The following PTPRM variants were observed in gnomAD, a reference collection of about 807,000 sequenced individuals.
PTPRM encodes the protein receptor-type tyrosine-protein phosphatase mu.
Under a neutral mutation model 186.7 loss-of-function variants are expected in PTPRM, and 47 were observed. The observed-to-expected ratio is 0.25, with a 90% CI of 0.20 to 0.32. The LOEUF is 0.32. Ranked by LOEUF, PTPRM falls within the 10% of genes least tolerant of loss-of-function variation. The pLI is 1.00. For missense variants in PTPRM, 1,494 were observed against 1,865.0 expected (o/e 0.80, Z 3.66); for synonymous variants, 668 against 674.9 (o/e 0.99, Z 0.16).
chr18:7,710,597 A>G (rs2040191155), intron 1 of PTPRM, among the ~76,000 whole-genome samples: 1 of 152,202 alleles, frequency 6.6e-6, no homozygotes, highest in Admixed American at 6.5e-5. Flanking sequence ...GAAAAGAGGA[A>G]GCCAAACTGC....
At chr18:8,289,913 G>T (rs898610259) in intron 19 of PTPRM, among the ~76,000 whole-genome samples, 3 of 152,094 alleles carry the variant, frequency 2.0e-5, no homozygotes, top group African/African-American at 7.2e-5. Context: ...TTTTCACCCA[G>T]TCCTCACCTC....
chr18:8,037,968 G>A (rs959051590), intron 7 of PTPRM, among the ~76,000 whole-genome samples: 13 of 152,192 alleles, frequency 8.5e-5, no homozygotes, highest in African/African-American at 2.6e-4. Context: ...TTCTACTTTT[G>A]CAGTTCTTAT....
Position 8,376,555 on chromosome 18 carries a change from C to T in PTPRM, c.3420C>T (p.Val1140=). The change falls in exon 26 of 33, where the codon GTC becomes GTT. Residue 1140 remains valine, a synonymous_variant. Transcript: ENST00000580170. ...GGGTCGTAGACATCTACAACTGCGT[C>T]AGGGAGCTGCGGTCACGGAGGGTGA... is the stretch of plus-strand genomic sequence containing the variant. ...REGVVDIYNC[V]RELRSRRVNM... 1 of 1,613,948 alleles carries T rather than the reference C, an allele frequency of 6.2e-7. No individual in the cohort carries two copies. The highest frequency in any genetic ancestry group is 8.5e-7 in the Non-Finnish European group (1 of 1,180,012).
At chr18:7,683,790 A>T (rs899336849) in intron 1 of PTPRM, among the ~76,000 whole-genome samples, 1 of 152,170 alleles carries the variant, frequency 6.6e-6, no homozygotes, top group Non-Finnish European at 1.5e-5. Flanking sequence ...TGCTATGCTC[A>T]GGGTATCAGG....
intron 7 of PTPRM, among the ~76,000 whole-genome samples, chr18:8,038,982 G>GT (rs143219893): frequency 0.074 from 11,108 of 150,610 alleles, 529 homozygotes; most frequent in Non-Finnish European, 0.1. Flanking sequence ...ATTTTCAGGG[G>GT]TTTTTTTTTG....
intron 6 of PTPRM, among the ~76,000 whole-genome samples, chr18:7,953,132 G>T (rs1023421852): frequency 2.0e-5 from 3 of 152,112 alleles, no homozygotes; most frequent in South Asian, 2.1e-4. Context: ...AGCATATCTG[G>T]TACTTTTCTT....
chr18:7,871,328 T>G (rs935332666), intron 2 of PTPRM, among the ~76,000 whole-genome samples: 1 of 152,226 alleles, frequency 6.6e-6, no homozygotes, highest in Admixed American at 6.5e-5. Context: ...AGTTTCTCAG[T>G]GACAGTCCAG....
intron 7 of PTPRM, among the ~76,000 whole-genome samples, chr18:8,057,335 T>G (rs2088055149): frequency 1.3e-5 from 2 of 151,842 alleles, no homozygotes; most frequent in African/African-American, 4.8e-5. Flanking sequence ...TTTTATTACT[T>G]AAAACTTCAA....
intron 2 of PTPRM, among the ~76,000 whole-genome samples, chr18:7,856,354 T>TA (rs2047094218): frequency 6.6e-6 from 1 of 152,160 alleles, no homozygotes. Context: ...CAGAGGAAAT[T>TA]AAAAAATGTT....
chr18:8,166,762 C>G (rs1474316434), intron 14 of PTPRM, among the ~76,000 whole-genome samples: 1 of 152,176 alleles, frequency 6.6e-6, no homozygotes, highest in Non-Finnish European at 1.5e-5. Context: ...GAAACCAAGA[C>G]TGAGCAAACT....
At chr18:7,649,266 A>G (rs2038639359) in intron 1 of PTPRM, among the ~76,000 whole-genome samples, 1 of 152,214 alleles carries the variant, frequency 6.6e-6, no homozygotes, top group Admixed American at 6.5e-5. Context: ...ACCTGGTCAC[A>G]CAAGAGCTCT....
chr18:8,231,183 T>C (rs80279048), intron 14 of PTPRM, among the ~76,000 whole-genome samples: 1 of 152,330 alleles, frequency 6.6e-6, no homozygotes, highest in African/African-American at 2.4e-5. Flanking sequence ...GACAATCTGT[T>C]GACATAACCT....
At chr18:8,363,793 T>C (rs1325334004) in intron 23 of PTPRM, among the ~76,000 whole-genome samples, 3 of 151,810 alleles carry the variant, frequency 2.0e-5, no homozygotes, top group Non-Finnish European at 4.4e-5. Context: ...GAGAGAAAAG[T>C]AACAAGACAG....
chr18:7,858,003 T>C (rs2047174955), intron 2 of PTPRM, among the ~76,000 whole-genome samples: 1 of 152,196 alleles, frequency 6.6e-6, no homozygotes, highest in African/African-American at 2.4e-5. Context: ...TTTGAATCTT[T>C]CTAATTTCTT....
chr18:8,313,532 A>G (rs2095285200), intron 20 of PTPRM, among the ~76,000 whole-genome samples: 1 of 152,066 alleles, frequency 6.6e-6, no homozygotes, highest in South Asian at 2.1e-4. Context: ...TGATCAGTGC[A>G]GGAAAATTCT....
At chr18:8,237,665 C>T (rs28567556) in intron 14 of PTPRM, among the ~76,000 whole-genome samples, 3,938 of 152,024 alleles carry the variant, frequency 0.026, 73 homozygotes, top group East Asian at 0.054. Flanking sequence ...AGGCTGGTCT[C>T]ACACTCCTAA....
intron 7 of PTPRM, among the ~76,000 whole-genome samples, chr18:7,966,849 C>G (rs1281169234): frequency 1.6e-5 from 2 of 128,914 alleles, no homozygotes; most frequent in African/African-American, 2.5e-5. Context: ...AGTCTGAGAT[C>G]AAACCGCAAG....
At chr18:8,349,351 G>GA (rs1166376889) in intron 23 of PTPRM, among the ~76,000 whole-genome samples, 2 of 152,212 alleles carry the variant, frequency 1.3e-5, no homozygotes, top group African/African-American at 4.8e-5. Flanking sequence ...AGGGAAGAGG[G>GA]AAATTGTTTT....
rs568197958 is a variant in PTPRM at position 7,719,970 on chromosome 18, A to G, written c.74-54179A>G. ...CCCAAACTACTCGTTAGACTGAGGT[A>G]GGAGGATCTCTTGATCGCAAGAGTT... On this transcript the variant is annotated intron_variant, in intron 1 of 32. Coordinates refer to ENST00000580170, the MANE Select transcript of PTPRM (RefSeq NM_001105244.2). Among the ~76,000 whole-genome samples, 11 of 152,316 alleles carry G rather than the reference A, an allele frequency of 7.2e-5. No individual in the cohort carries two copies. The East Asian group carries it at 2.1e-3, about 29-fold the overall frequency.
Sources: allele counts gnomAD v4.1 joint callset (sites outside exome capture counted in the v4.1 genomes callset), GRCh38; gene constraint gnomAD v4.1.1; transcripts MANE v1.5; gene names NCBI Gene and HGNC (gene_info 2026-07-23, HGNC 2026-07-21).